Variants in ROBO2 observed in about 807,000 individuals in gnomAD.
ROBO2 encodes the protein roundabout homolog 2.
Under a neutral mutation model 160.8 loss-of-function variants are expected in ROBO2, and 53 were observed. The observed-to-expected ratio is 0.33, with a 90% CI of 0.26 to 0.41. The LOEUF (loss-of-function observed/expected upper bound fraction) is 0.41. ROBO2 is among the 10% of genes least tolerant of loss of function. ROBO2 has a pLI of 1.00. For missense variants in ROBO2, 1,577 were observed against 1,722.4 expected, an observed-to-expected ratio of 0.92 and a Z score of 1.49; for synonymous variants, 664 against 611.7, an observed-to-expected ratio of 1.09 and a Z score of -1.26.
chr3:77,117,451 A>G (rs2074320626), intron 2 of ROBO2, among the ~76,000 whole-genome samples: 1 of 152,262 alleles, frequency 6.6e-6, no homozygotes, highest in Non-Finnish European at 1.5e-5. Flanking sequence ...GGTTCTTTTA[A>G]CCCAAGGGAG....
chr3:77,636,977 T>C (rs2095274425), intron 24 of ROBO2, among the ~76,000 whole-genome samples: 1 of 152,226 alleles, frequency 6.6e-6, no homozygotes, highest in Non-Finnish European at 1.5e-5. Flanking sequence ...CAATGTCAGA[T>C]TGAAAGGTGA....
intron 2 of ROBO2, among the ~76,000 whole-genome samples, chr3:76,268,567 A>G (rs1707236580): frequency 6.6e-6 from 1 of 152,110 alleles, no homozygotes; most frequent in African/African-American, 2.4e-5. Flanking sequence ...AAAGATCTTC[A>G]GTGTCTTTTC....
At chr3:76,553,150 A>G (rs2083511923) in intron 2 of ROBO2, among the ~76,000 whole-genome samples, 2 of 152,180 alleles carry the variant, frequency 1.3e-5, no homozygotes, top group Non-Finnish European at 2.9e-5. Context: ...TGGGACATCA[A>G]CATATAAACA....
At chr3:76,577,809 A>G (rs2085401421) in intron 2 of ROBO2, among the ~76,000 whole-genome samples, 1 of 152,156 alleles carries the variant, frequency 6.6e-6, no homozygotes, top group Non-Finnish European at 1.5e-5. Flanking sequence ...TAATATCTGA[A>G]GAATCATTCA....
chr3:75,958,556 C>T (rs1189222440), intron 2 of ROBO2, among the ~76,000 whole-genome samples: 3 of 151,526 alleles, frequency 2.0e-5, no homozygotes, highest in Non-Finnish European at 3.0e-5. Flanking sequence ...TTATGAAGGG[C>T]TGAGGATTTC....
intron 2 of ROBO2, among the ~76,000 whole-genome samples, chr3:76,866,912 TACTC>T (rs1439560869): frequency 7.2e-5 from 11 of 152,266 alleles, no homozygotes; most frequent in African/African-American, 2.6e-4. Flanking sequence ...GGCCTCATCT[TACTC>T]ATTTAATGAA....
At chr3:76,222,050 A>T (rs184686278) in intron 2 of ROBO2, among the ~76,000 whole-genome samples, 3 of 152,270 alleles carry the variant, frequency 2.0e-5, no homozygotes, top group African/African-American at 7.2e-5. Context: ...CAGATTGTAT[A>T]ATCTGCCAGT....
At chr3:77,551,728 T>C (rs987290912) in intron 8 of ROBO2, among the ~76,000 whole-genome samples, 5 of 151,988 alleles carry the variant, frequency 3.3e-5, no homozygotes, top group Non-Finnish European at 5.9e-5. Context: ...TGAGGATTTT[T>C]ACTTTTGTTT....
At chr3:77,607,732 G>GT in intron 20 of ROBO2, 66 bp from the exon 22 acceptor site, 1 of 1,393,802 alleles carries the variant, frequency 7.2e-7, no homozygotes, top group East Asian at 2.3e-5. Context: ...AATACACCTT[G>GT]CCATCTGATG....
At position 76,273,609 on chromosome 3, in the gene ROBO2, G is replaced by A. The variant is rs1034592071; in HGVS notation, c.109+336007G>A. On this transcript the variant is annotated intron_variant, in intron 2 of 26. Coordinates refer to the ROBO2 transcript ENST00000487694. ...GAAGTGCCGAGCAAAAGTGGGGAAAGCCCCTCTTAAAACCATCAGATCTCA... is the reference window on the plus strand; with the variant it reads ...GAAGTGCCGAGCAAAAGTGGGGAAAACCCCTCTTAAAACCATCAGATCTCA... Among the ~76,000 whole-genome samples the A allele has an allele frequency of 7.2e-5, 11 of 152,128 alleles. No individual in the cohort carries two copies. The East Asian group carries it at 2.1e-3, about 29-fold the overall frequency.
chr3:76,692,007 A>G (rs1196608255), intron 2 of ROBO2, among the ~76,000 whole-genome samples: 12 of 152,166 alleles, frequency 7.9e-5, no homozygotes. Context: ...TGTGTGTAGG[A>G]GCTCATTAAA....
chr3:77,081,846 C>G (rs561978126), intron 1 of ROBO2, among the ~76,000 whole-genome samples: 62 of 152,298 alleles, frequency 4.1e-4, no homozygotes, highest in African/African-American at 1.5e-3. Flanking sequence ...CCTCCCCAAA[C>G]TCCAATGCTT....
At chr3:77,118,447 A>T (rs529087420) in intron 2 of ROBO2, among the ~76,000 whole-genome samples, 102 of 152,304 alleles carry the variant, frequency 6.7e-4, no homozygotes, top group Non-Finnish European at 1.4e-3. Context: ...CCCTATAACA[A>T]TTAGAACACT....
intron 2 of ROBO2, among the ~76,000 whole-genome samples, chr3:76,390,170 A>G (rs2108634711): frequency 6.6e-6 from 1 of 152,262 alleles, no homozygotes; most frequent in South Asian, 2.1e-4. Context: ...AAACATTAAA[A>G]TATGCCCCAC....
At chr3:77,400,795 A>G (rs2153511126) in intron 2 of ROBO2, among the ~76,000 whole-genome samples, 1 of 151,806 alleles carries the variant, frequency 6.6e-6, no homozygotes, top group South Asian at 2.1e-4. Context: ...CACTTCAGAG[A>G]CGAGGAAAAC....
chr3:76,138,781 G>A (rs538844950), intron 2 of ROBO2, among the ~76,000 whole-genome samples: 1 of 152,082 alleles, frequency 6.6e-6, no homozygotes. Flanking sequence ...ATAGTTTACT[G>A]TGTTCACAAT....
intron 2 of ROBO2, among the ~76,000 whole-genome samples, chr3:76,277,870 T>C (rs1375554429): frequency 6.6e-6 from 1 of 151,638 alleles, no homozygotes; most frequent in Admixed American, 6.6e-5. Flanking sequence ...CAGCAATAGG[T>C]AAATAAATAA....
intron 2 of ROBO2, among the ~76,000 whole-genome samples, chr3:76,380,493 C>A (rs1171299310): frequency 6.6e-6 from 1 of 152,072 alleles, no homozygotes; most frequent in African/African-American, 2.4e-5. Context: ...TGTCTCCCAG[C>A]CCAAGACAGG....
intron 2 of ROBO2, among the ~76,000 whole-genome samples, chr3:76,034,415 A>T (rs2067032187): frequency 6.6e-6 from 1 of 152,208 alleles, no homozygotes; most frequent in Non-Finnish European, 1.5e-5. Flanking sequence ...TGTGAAATAG[A>T]CAAGTCACCT....
Sources: allele counts gnomAD v4.1 joint callset (sites outside exome capture counted in the v4.1 genomes callset), GRCh38; gene constraint gnomAD v4.1.1; transcripts MANE v1.5; gene names NCBI Gene and HGNC (gene_info 2026-07-23, HGNC 2026-07-21).